Variants in GALNT13 observed in about 807,000 individuals in gnomAD.
The protein encoded by GALNT13 is UDP-GalNAc:polypeptide N-acetylgalactosaminyltransferase 13.
GALNT13 carries 28 observed loss-of-function variants against 64.2 expected under a neutral mutation model. That is an observed-to-expected ratio of 0.44 (90% CI 0.32 to 0.60). GALNT13 has a LOEUF of 0.60. Ranked by LOEUF, GALNT13 falls within the 20% of genes least tolerant of loss-of-function variation. The pLI, the probability that GALNT13 is intolerant of heterozygous loss-of-function variation, is 0.05. For missense variants in GALNT13, 577 were observed against 669.8 expected (o/e 0.86, Z 1.53); for synonymous variants, 214 against 224.6 (o/e 0.95, Z 0.42).
At chr2:154,203,877 G>A (rs1402635771) in intron 4 of GALNT13, among the ~76,000 whole-genome samples, 3 of 152,132 alleles carry the variant, frequency 2.0e-5, no homozygotes, top group Non-Finnish European at 4.4e-5. Context: ...GTAACAAGAG[G>A]AGACTATATA....
the GALNT13 span, among the ~76,000 whole-genome samples, chr2:153,458,169 A>G: frequency 6.6e-6 from 1 of 152,104 alleles, no homozygotes; most frequent in Non-Finnish European, 1.5e-5. Flanking sequence ...TTCTATGCAA[A>G]TATTGATCAA....
chr2:153,848,674 A>T, the GALNT13 span, among the ~76,000 whole-genome samples: 2 of 152,128 alleles, frequency 1.3e-5, no homozygotes, highest in African/African-American at 4.8e-5. Context: ...TAATAGAAAG[A>T]TCAATGAAAA....
In GALNT13 at chr2:153,895,967, CAATT is replaced by C. The variant is rs1323465280; in HGVS notation, c.-176-4966_-176-4963del. On this transcript the variant is annotated intron_variant, in intron 1 of 12. Transcript: ENST00000392825. ...AAGATATTGTCACACAAGAAATTCA[CAATT>C]AAGTAAAAAGAGAATATAATCATAA... 8.8e-5 allele frequency among the ~76,000 whole-genome samples: 13 copies of C among 147,286 alleles called. No homozygotes were observed. In the South Asian group the frequency reaches 1.3e-3, roughly 15 times the overall value.
the GALNT13 span, among the ~76,000 whole-genome samples, chr2:153,076,530 A>T: frequency 6.4e-4 from 98 of 152,254 alleles, 1 homozygote; most frequent in Admixed American, 5.3e-3. Flanking sequence ...TCTTCAGTTG[A>T]TAAGTTATTC....
the GALNT13 span, among the ~76,000 whole-genome samples, chr2:153,258,424 A>T: frequency 7.3e-6 from 1 of 136,512 alleles, no homozygotes; most frequent in African/African-American, 2.6e-5. Flanking sequence ...CATTTTGTTG[A>T]TCTCTTGTAT....
intron 2 of GALNT13, among the ~76,000 whole-genome samples, chr2:153,925,643 T>C (rs1301896353): frequency 2.0e-5 from 3 of 152,128 alleles, no homozygotes; most frequent in Admixed American, 2.0e-4. Flanking sequence ...TAAATTGCTT[T>C]AGGCAGGATG....
chr2:153,852,250 AAT>A, the GALNT13 span, among the ~76,000 whole-genome samples: 2 of 152,364 alleles, frequency 1.3e-5, no homozygotes, highest in South Asian at 4.1e-4. Flanking sequence ...TGGATTTAAA[AAT>A]ATCATGAAAC....
the GALNT13 span, among the ~76,000 whole-genome samples, chr2:153,519,321 T>C: frequency 4.6e-5 from 7 of 152,136 alleles, no homozygotes; most frequent in Admixed American, 2.6e-4. Flanking sequence ...TTCCTTTGAG[T>C]TCTGTGCTGA....
At chr2:154,207,681 G>A (rs1171961500) in intron 4 of GALNT13, among the ~76,000 whole-genome samples, 1 of 151,994 alleles carries the variant, frequency 6.6e-6, no homozygotes, top group Non-Finnish European at 1.5e-5. Flanking sequence ...AGGATCCCAG[G>A]AAAAAGGGAC....
chr2:153,444,146 TCTAC>T, the GALNT13 span, among the ~76,000 whole-genome samples: 3 of 152,180 alleles, frequency 2.0e-5, no homozygotes, highest in Non-Finnish European at 2.9e-5. Context: ...TATTCATCTA[TCTAC>T]CTATCTATCA....
the GALNT13 span, among the ~76,000 whole-genome samples, chr2:153,097,705 C>G: frequency 6.6e-6 from 1 of 152,036 alleles, no homozygotes; most frequent in African/African-American, 2.4e-5. Context: ...TATGTTTCAC[C>G]TAATCTCACC....
At chr2:154,012,669 G>T (rs1428110395) in intron 3 of GALNT13, among the ~76,000 whole-genome samples, 1 of 152,074 alleles carries the variant, frequency 6.6e-6, no homozygotes, top group Non-Finnish European at 1.5e-5. Context: ...TTTCCAGGTT[G>T]CTTGCTCTCC....
At chr2:154,398,415 A>G (rs1699152465) in intron 10 of GALNT13, among the ~76,000 whole-genome samples, 2 of 152,228 alleles carry the variant, frequency 1.3e-5, no homozygotes, top group Admixed American at 6.5e-5. Flanking sequence ...GTCCTGCACT[A>G]TATCAAGGAA....
the GALNT13 span, among the ~76,000 whole-genome samples, chr2:153,832,629 AG>A: frequency 6.6e-6 from 1 of 152,192 alleles, no homozygotes; most frequent in Non-Finnish European, 1.5e-5. Context: ...ATTTCAGCCA[AG>A]GTCAAAATGA....
chr2:153,185,600 A>G, the GALNT13 span, among the ~76,000 whole-genome samples: 1 of 152,188 alleles, frequency 6.6e-6, no homozygotes, highest in Non-Finnish European at 1.5e-5. Flanking sequence ...ATTTAGTCCT[A>G]TAAATTTCCC....
At chr2:154,133,450 A>C (rs1173276076) in intron 3 of GALNT13, among the ~76,000 whole-genome samples, 3 of 150,328 alleles carry the variant, frequency 2.0e-5, no homozygotes, top group African/African-American at 4.9e-5. Context: ...GTATTAACAC[A>C]TATCAATTTA....
At chr2:154,436,486 G>A (rs2105463527) in intron 11 of GALNT13, 1 of 152,228 alleles carries the variant, frequency 6.6e-6, no homozygotes, top group African/African-American at 2.4e-5. Context: ...CTTTTACACT[G>A]GCATTTGTAC....
the GALNT13 span, among the ~76,000 whole-genome samples, chr2:153,298,957 A>G: frequency 6.6e-6 from 1 of 152,192 alleles, no homozygotes; most frequent in Non-Finnish European, 1.5e-5. Context: ...CTTACAATTC[A>G]ATGATTTTCT....
the GALNT13 span, among the ~76,000 whole-genome samples, chr2:153,168,532 C>T: frequency 3.9e-5 from 6 of 152,046 alleles, no homozygotes; most frequent in South Asian, 2.1e-4. Flanking sequence ...ACTTAGTTAC[C>T]GTGTGTGGAG....
Sources: gnomAD v4.1 joint callset for allele counts (sites outside exome capture counted in the v4.1 genomes callset) on GRCh38, gnomAD v4.1.1 for gene constraint, MANE v1.5 for transcripts, NCBI Gene and HGNC (gene_info 2026-07-23, HGNC 2026-07-21) for gene names.